Variants in PCDHA9 observed in about 807,000 individuals in gnomAD.
PCDHA9 encodes the protein protocadherin alpha 9.
A neutral mutation model predicts 62.0 loss-of-function variants in PCDHA9; 62 were observed. That is an observed-to-expected ratio of 1.00 (90% confidence interval 0.81 to 1.23). PCDHA9 has a LOEUF of 1.23. Ranked by LOEUF, PCDHA9 falls within the 50% of genes most tolerant of loss-of-function variation. The probability of loss-of-function intolerance (pLI) is 0.00; values close to 1 mark genes in which losing one functional copy is unlikely to be tolerated. For missense variants in PCDHA9, 1,205 were observed against 1,249.8 expected (o/e 0.96, Z 0.54); for synonymous variants, 557 against 567.6 (o/e 0.98, Z 0.27).
At chr5:141,009,019 C>A (rs1160022658) in intron 3 of PCDHA9, among the ~76,000 whole-genome samples, 1 of 152,232 alleles carries the variant, frequency 6.6e-6, no homozygotes, top group Non-Finnish European at 1.5e-5. Context: ...CCTTTAGGCT[C>A]TGTATTTCCC....
At chr5:140,947,601 A>G (rs1296948194) in intron 1 of PCDHA9, among the ~76,000 whole-genome samples, 1 of 151,680 alleles carries the variant, frequency 6.6e-6, no homozygotes, top group Non-Finnish European at 1.5e-5. Context: ...TTTAGGGAAG[A>G]TTTGGTATCT....
In PCDHA9 at chr5:140,869,132, G is replaced by GCA. The variant is rs782288889; in HGVS notation, c.2394+18245_2394+18246dup. On this transcript the variant is annotated intron_variant, in intron 1 of 3. Transcript: ENST00000532602. ...TTTGGTTTTCAGAGAAGGGGATTGG[G>GCA]CACCCCACGACTACAGCTCTGGCTT... The GCA allele has an allele frequency of 1.9e-6, 3 of 1,612,054 alleles. No homozygotes were observed. The Admixed American group carries it at 5.0e-5, about 27-fold the overall frequency.
At chr5:140,975,671 T>C (rs923429904) in intron 1 of PCDHA9, among the ~76,000 whole-genome samples, 2 of 152,248 alleles carry the variant, frequency 1.3e-5, no homozygotes, top group Admixed American at 6.5e-5. Context: ...TGTGAGTTTA[T>C]TAATAAAATA....
At position 140,850,349 on chromosome 5, in the gene PCDHA9, G is replaced by A. The variant is rs2150480668; in HGVS notation, c.1854G>A (p.Ala618=). 3 of 1,597,844 alleles carry A rather than the reference G, an allele frequency of 1.9e-6. No individual in the cohort carries two copies. The highest frequency in any genetic ancestry group is 1.7e-6 in the Non-Finnish European group (2 of 1,167,744). ...AGCTGCAGCCAGAAACGGCCAGCGC[G>A]AGCATCCCGTTCCGCGTGGGGCTGT... The part of the protein sequence containing the change: ...SYELQPETAS[A]SIPFRVGLYT... The change falls in exon 1 of 4, where the codon GCG becomes GCA. Residue 618 remains alanine, a synonymous_variant. Transcript: ENST00000532602.
intron 1 of PCDHA9, chr5:140,875,349 C>G: frequency 6.9e-7 from 1 of 1,444,894 alleles, no homozygotes; most frequent in Non-Finnish European, 9.1e-7. Flanking sequence ...TCCATAATGA[C>G]TGTGATGCTG....
intron 3 of PCDHA9, among the ~76,000 whole-genome samples, chr5:141,003,690 T>C (rs1441506131): frequency 2.0e-5 from 3 of 152,232 alleles, no homozygotes; most frequent in African/African-American, 7.2e-5. Flanking sequence ...TTTTAAAATA[T>C]ATCCCTACCA....
At chr5:140,984,633 T>G (rs2097112196) in intron 3 of PCDHA9, among the ~76,000 whole-genome samples, 1 of 152,206 alleles carries the variant, frequency 6.6e-6, no homozygotes, top group African/African-American at 2.4e-5. Flanking sequence ...AAAGGGATTC[T>G]CTGCCTTCTC....
chr5:140,990,535 A>T (rs1450949471), intron 3 of PCDHA9, among the ~76,000 whole-genome samples: 1 of 152,182 alleles, frequency 6.6e-6, no homozygotes, highest in African/African-American at 2.4e-5. Context: ...ACTGTGCATC[A>T]TAGATACTGT....
chr5:140,894,886 G>T (rs2153448289), intron 1 of PCDHA9, among the ~76,000 whole-genome samples: 1 of 152,202 alleles, frequency 6.6e-6, no homozygotes, highest in South Asian at 2.1e-4. Flanking sequence ...AGAAGAAACA[G>T]ACCAGGATAA....
At chr5:140,968,716 T>C (rs1554230993) in intron 1 of PCDHA9, 2 of 1,614,058 alleles carry the variant, frequency 1.2e-6, no homozygotes, top group Admixed American at 1.7e-5. Flanking sequence ...AGATGGGAGA[T>C]GAGAGTGGTA....
chr5:140,863,202 G>A (rs559007513), intron 1 of PCDHA9: 5 of 934,632 alleles, frequency 5.3e-6, no homozygotes, highest in African/African-American at 1.7e-5. Flanking sequence ...CGTCGCTGGC[G>A]GAGAGCAGCC....
At chr5:140,896,551 A>G (rs1474890462) in intron 1 of PCDHA9, among the ~76,000 whole-genome samples, 1 of 139,892 alleles carries the variant, frequency 7.1e-6, no homozygotes, top group African/African-American at 2.6e-5. Context: ...TTTTTTTTGT[A>G]TTTTAAGTAG....
intron 3 of PCDHA9, among the ~76,000 whole-genome samples, chr5:140,998,569 G>GTT (rs71574497): frequency 0.068 from 10,108 of 149,316 alleles, 392 homozygotes; most frequent in Middle Eastern, 0.14. Flanking sequence ...TTGTAAATAA[G>GTT]TTTTTTTTTT....
chr5:140,899,982 AT>A (rs1290251020), intron 1 of PCDHA9, among the ~76,000 whole-genome samples: 2 of 150,600 alleles, frequency 1.3e-5, no homozygotes, highest in African/African-American at 4.9e-5. Flanking sequence ...TACTTTTTTG[AT>A]TTTTTTTGTA....
In PCDHA9 at chr5:140,849,620, C is replaced by T; in HGVS notation, c.1125C>T (p.Ile375=). 1.3e-6 allele frequency: 2 copies of T among 1,598,618 alleles called. No individual in the cohort carries two copies. Among genetic ancestry groups the T allele is most frequent in the Non-Finnish European group, 1.7e-6 (2 of 1,167,948 alleles). ...LGTVIALISV[I]DLDADANGQV... ...CAGTTATTGCCCTGATTAGTGTGAT[C>T]GACCTAGACGCAGATGCCAACGGGC... The change falls in exon 1 of 4, where the codon ATC becomes ATT. Residue 375 remains isoleucine, a synonymous_variant. Transcript: ENST00000532602.
intron 1 of PCDHA9, chr5:140,869,288 G>T (rs950790626): frequency 6.2e-7 from 1 of 1,613,578 alleles, no homozygotes; most frequent in East Asian, 2.2e-5. Context: ...CTGGTGCAGC[G>T]CCTGTTCCGG....
At chr5:140,967,346 G>A (rs1332345482) in intron 1 of PCDHA9, 1 of 1,607,970 alleles carries the variant, frequency 6.2e-7, no homozygotes, top group Non-Finnish European at 8.5e-7. Flanking sequence ...CGAGCACTTC[G>A]AGCTGGACCT....
At chr5:140,933,863 A>G (rs2089469278) in intron 1 of PCDHA9, among the ~76,000 whole-genome samples, 1 of 151,666 alleles carries the variant, frequency 6.6e-6, no homozygotes, top group Non-Finnish European at 1.5e-5. Context: ...ATTTTTTCAG[A>G]TATATGTTAG....
chr5:140,856,885 A>G, intron 1 of PCDHA9: 2 of 1,596,608 alleles, frequency 1.3e-6, no homozygotes, highest in Non-Finnish European at 1.7e-6. Context: ...TGATGTATTC[A>G]TTTAGCTCTT....
Sources: gnomAD v4.1 joint callset for allele counts (sites outside exome capture counted in the v4.1 genomes callset) on GRCh38, gnomAD v4.1.1 for gene constraint, MANE v1.5 for transcripts, NCBI Gene and HGNC (gene_info 2026-07-23, HGNC 2026-07-21) for gene names.